Variants in DCAF4 observed in about 807,000 individuals in gnomAD.
DCAF4 encodes the protein DDB1- and CUL4-associated factor 4.
In DCAF4, 37 loss-of-function variants were observed where a neutral mutation model predicts 60.9. The ratio of observed to expected loss-of-function variants is 0.61; its 90% CI spans 0.47 to 0.80. The LOEUF (loss-of-function observed/expected upper bound fraction) is 0.80, where lower values mean the gene tolerates loss of function less well. DCAF4 is among the 30% of genes least tolerant of loss of function. The probability of loss-of-function intolerance (pLI) is 0.00; values close to 1 mark genes in which losing one functional copy is unlikely to be tolerated. For missense variants in DCAF4, 577 were observed against 650.0 expected (o/e 0.89, Z 1.22); for synonymous variants, 243 against 254.8 (o/e 0.95, Z 0.44).
At chr14:72,951,747 T>C in intron 8 of DCAF4, 51 bp from the exon 9 acceptor site, 1 of 1,577,416 alleles carries the variant, frequency 6.3e-7, no homozygotes, top group Non-Finnish European at 8.7e-7. Flanking sequence ...TGTCCATGCC[T>C]CCTCCCAGAG....
At chr14:72,958,580 C>T in intron 13 of DCAF4, 32 bp from the exon 14 acceptor site, 2 of 1,613,146 alleles carry the variant, frequency 1.2e-6, no homozygotes, top group Non-Finnish European at 1.7e-6. Context: ...CATTCTCTCA[C>T]TAGCCTGCCA....
intron 1 of DCAF4, among the ~76,000 whole-genome samples, chr14:72,927,994 T>C (rs12878126): frequency 0.16 from 23,763 of 151,620 alleles, 2,314 homozygotes; most frequent in South Asian, 0.25. Context: ...CGGAGGGGTG[T>C]CTCACTATGT....
chr14:72,954,779 C>T (rs1034253605), intron 11 of DCAF4, among the ~76,000 whole-genome samples: 43 of 152,136 alleles, frequency 2.8e-4, no homozygotes, highest in African/African-American at 8.7e-4. Context: ...ATAAGCCAAA[C>T]ACCAATTCTT....
chr14:72,930,641 G>GTGTA (rs149532947), intron 1 of DCAF4, among the ~76,000 whole-genome samples: 2 of 151,254 alleles, frequency 1.3e-5, no homozygotes, highest in Non-Finnish European at 2.9e-5. Flanking sequence ...ATGTGTGTGT[G>GTGTA]TATATATATA....
At chr14:72,946,155 A>G in intron 7 of DCAF4, 128 bp downstream of exon 7, 1 of 1,212,170 alleles carries the variant, frequency 8.2e-7, no homozygotes, top group Non-Finnish European at 1.1e-6. Flanking sequence ...ATAAGACTTG[A>G]TTTTTTACTT....
Position 72,956,499 on chromosome 14 carries a change from A to G in DCAF4, c.1293A>G (p.Ala431=). ...ACGAGGAAGAAGGAATCCTGGTGGCAGGTACTTGAGGAAGGAAGGGGAAGT... is the reference window on the plus strand; with the variant it reads ...ACGAGGAAGAAGGAATCCTGGTGGCGGGTACTTGAGGAAGGAAGGGGAAGT... ...HVHEEEGILV[A]VGQDCYTRIW... The change falls in exon 13 of 14, where the codon GCA becomes GCG. Residue 431 remains alanine, a splice_region_variant and synonymous_variant. Coordinates refer to ENST00000358377, the MANE Select transcript of DCAF4 (RefSeq NM_015604.4). The G allele has an allele frequency of 6.2e-7, 1 of 1,609,132 alleles. No homozygotes were observed. The highest frequency in any genetic ancestry group is 8.5e-7 in the Non-Finnish European group (1 of 1,177,668).
At chr14:72,961,896 G>T (rs1163484131), downstream of DCAF4, 19 of 1,132,960 alleles carry the variant, frequency 1.7e-5, no homozygotes, top group Admixed American at 3.7e-5. Flanking sequence ...ATGTCAAACT[G>T]GTCAGTGGGT....
chr14:72,938,539 G>A (rs150825657), intron 2 of DCAF4, among the ~76,000 whole-genome samples: 6 of 152,292 alleles, frequency 3.9e-5, no homozygotes, highest in Admixed American at 6.5e-5. Flanking sequence ...TTAGGCAGTC[G>A]TGTCATGCAA....
At position 72,959,123 on chromosome 14, in the gene DCAF4, G is replaced by C. The variant is rs1244127938; in HGVS notation, c.*318G>C. 7 of 1,037,890 alleles carry C rather than the reference G, an allele frequency of 6.7e-6. No homozygotes were observed. The highest frequency in any genetic ancestry group is 6.9e-6 in the Non-Finnish European group (6 of 863,954). The allele number at this position is 1,037,890 out of a possible 1,614,324, so 64.3% of individuals were successfully genotyped here. ...GGACTTTTCTAAGGACTGAAGATTG[G>C]CAAAAACGAAAAGCTTCTTCCTCCA... is the stretch of plus-strand genomic sequence containing the variant. On this transcript the variant is annotated 3_prime_UTR_variant, in exon 14 of 14. Coordinates refer to ENST00000358377, the MANE Select transcript of DCAF4 (RefSeq NM_015604.4).
At position 72,928,406 on chromosome 14, in the gene DCAF4, A is replaced by C. The variant is rs948094006; in HGVS notation, c.-9+1863A>C. Among the ~76,000 whole-genome samples the C allele has an allele frequency of 3.4e-5, 5 of 146,988 alleles. No individual in the cohort carries two copies. In the East Asian group the frequency reaches 8.3e-4, roughly 24 times the overall value. On this transcript the variant is annotated intron_variant, in intron 1 of 13. Transcript: ENST00000358377. ...ACAGGTTTTCACCATGTTGGCCAGG[A>C]TGGTCTCACATATCTGCCGACCTCG...
chr14:72,927,829 G>A (rs1027933278), intron 1 of DCAF4, among the ~76,000 whole-genome samples: 1 of 152,178 alleles, frequency 6.6e-6, no homozygotes, highest in Non-Finnish European at 1.5e-5. Flanking sequence ...GCTTGCGCCT[G>A]AAGTATTTCT....
At chr14:72,931,307 G>A (rs1287767605) in intron 1 of DCAF4, among the ~76,000 whole-genome samples, 3 of 136,716 alleles carry the variant, frequency 2.2e-5, no homozygotes, top group Non-Finnish European at 3.1e-5. Context: ...CAGGACCAGA[G>A]GAGTGCTTTA....
Position 72,959,498 on chromosome 14 carries a change from A to G in DCAF4, c.*693A>G, listed in dbSNP as rs2140327066. On this transcript the variant is annotated 3_prime_UTR_variant, in exon 14 of 14. Coordinates refer to ENST00000358377, the MANE Select transcript of DCAF4 (RefSeq NM_015604.4). The stretch of plus-strand genomic sequence containing the variant: ...GTAAGGTTCAGCAGCTCTGGTTTCT[A>G]TTACGGTGACTTGAATGTCAGATTC... The G allele has an allele frequency of 2.0e-6, 2 of 985,620 alleles. No homozygotes were observed. The highest frequency in any genetic ancestry group is 4.7e-5 in the South Asian group (1 of 21,282). 61.1% of individuals were successfully genotyped at this position (985,620 alleles called of 1,614,324 possible).
chr14:72,950,254 G>C (rs1244306309), intron 8 of DCAF4, among the ~76,000 whole-genome samples: 1 of 152,188 alleles, frequency 6.6e-6, no homozygotes, highest in Non-Finnish European at 1.5e-5. Flanking sequence ...GGTGGTGAGG[G>C]CGTGAAACGA....
intron 1 of DCAF4, among the ~76,000 whole-genome samples, chr14:72,936,520 C>T (rs564531970): frequency 4.8e-4 from 71 of 149,220 alleles, no homozygotes; most frequent in African/African-American, 1.7e-3. Context: ...GCTGAGATGG[C>T]GCCACTGCAC....
chr14:72,961,908 C>G, downstream of DCAF4: 9 of 1,141,760 alleles, frequency 7.9e-6, no homozygotes, highest in Non-Finnish European at 9.8e-6. Flanking sequence ...TCAGTGGGTT[C>G]AGTGGAAGGT....
chr14:72,953,782 TTG>T (rs149574612), intron 9 of DCAF4, among the ~76,000 whole-genome samples: 2,097 of 40,970 alleles, frequency 0.051, 158 homozygotes, highest in South Asian at 0.17. Context: ...ATTTATTTAT[TTG>T]TGTGTGTGTG....
intron 1 of DCAF4, chr14:72,929,997 T>A: frequency 1.6e-6 from 1 of 639,546 alleles, no homozygotes; most frequent in Non-Finnish European, 2.7e-6. Flanking sequence ...CCTGGTGTTG[T>A]GGCTCGTGCC....
In DCAF4 at chr14:72,945,855, G is replaced by A. The variant is rs111657988; in HGVS notation, c.535-29G>A. On this transcript the variant is annotated intron_variant, in intron 6 of 13. Transcript: ENST00000358377. ...CAGTCCACCAGGCGCAGCCTGGGAC[G>A]TCACCCACTGCCCCCTTCCCTTCTC... 167 of 1,613,698 alleles carry A rather than the reference G, an allele frequency of 1.0e-4. No individual in the cohort carries two copies. In the East Asian group the frequency reaches 1.6e-3, roughly 16 times the overall value.
Sources: allele counts gnomAD v4.1 joint callset (sites outside exome capture counted in the v4.1 genomes callset), GRCh38; gene constraint gnomAD v4.1.1; transcripts MANE v1.5; gene names NCBI Gene and HGNC (gene_info 2026-07-23, HGNC 2026-07-21).